The following USP54 variants were observed in gnomAD, a reference collection of about 807,000 sequenced individuals.
The protein encoded by USP54 is ubiquitin specific peptidase 54.
USP54 carries 87 observed loss-of-function variants against 170.5 expected under a neutral mutation model. The observed-to-expected ratio is 0.51, with a 90% CI of 0.43 to 0.61. The LOEUF (loss-of-function observed/expected upper bound fraction) is 0.61, where lower values mean the gene tolerates loss of function less well. Among genes scored for constraint, USP54 ranks in the 20% least tolerant of loss-of-function variants. The pLI, the probability that USP54 is intolerant of heterozygous loss-of-function variation, is 0.00. For missense variants in USP54, 1,786 were observed against 2,047.8 expected (o/e 0.87, Z 2.47); for synonymous variants, 655 against 742.8 (o/e 0.88, Z 1.92).
chr10:73,543,890 A>G (rs898011539), intron 5 of USP54, among the ~76,000 whole-genome samples: 1 of 151,720 alleles, frequency 6.6e-6, no homozygotes, highest in Non-Finnish European at 1.5e-5. Context: ...GTCTTCTCTC[A>G]TCTCCATCAT....
chr10:73,510,238 G>C (rs1418933096), intron 20 of USP54, among the ~76,000 whole-genome samples: 1 of 152,022 alleles, frequency 6.6e-6, no homozygotes, highest in Non-Finnish European at 1.5e-5. Context: ...GGGAGGCTGA[G>C]GCAGGAGAAT....
At chr10:73,518,350 A>T (rs2061373984) in intron 19 of USP54, 1 of 523,104 alleles carries the variant, frequency 1.9e-6, no homozygotes, top group African/African-American at 2.1e-5. Flanking sequence ...TCCCCAAAGC[A>T]ATATGACTCT....
chr10:73,604,017 G>A lies in USP54; in HGVS notation c.-18+21550C>T, dbSNP rs1260330710. 3.3e-5 allele frequency among the ~76,000 whole-genome samples: 5 copies of A among 152,050 alleles called. No individual in the cohort carries two copies. In the East Asian group the frequency reaches 5.8e-4, roughly 18 times the overall value. ...TGTAATCCCAGCACTTTGGAAGGAC[G>A]AAGGGGGCAGATCATGAGGTCAGGA... On this transcript the variant is annotated intron_variant, in intron 1 of 22. Transcript: ENST00000339859.
intron 12 of USP54, among the ~76,000 whole-genome samples, chr10:73,531,143 C>A (rs1271416616): frequency 2.0e-5 from 3 of 152,000 alleles, no homozygotes; most frequent in African/African-American, 7.2e-5. Context: ...ACTAAAAATA[C>A]AAAAATTAGT....
At chr10:73,612,452 AC>A (rs2080225121) in intron 1 of USP54, among the ~76,000 whole-genome samples, 1 of 152,174 alleles carries the variant, frequency 6.6e-6, no homozygotes. Flanking sequence ...AAGCATTATA[AC>A]AGCCTATTCT....
chr10:73,549,410 G>A (rs1246710839), intron 4 of USP54, among the ~76,000 whole-genome samples: 1 of 151,988 alleles, frequency 6.6e-6, no homozygotes, highest in Non-Finnish European at 1.5e-5. Flanking sequence ...AATATCAATG[G>A]GCATTTCAAA....
chr10:73,540,271 T>TA (rs777390854), intron 9 of USP54, among the ~76,000 whole-genome samples: 239 of 131,820 alleles, frequency 1.8e-3, no homozygotes, highest in South Asian at 2.9e-3. Context: ...AAAGTTGGAT[T>TA]AAAAAAAAAA....
chr10:73,498,957 C>T lies in USP54; in HGVS notation c.4727G>A (p.Ser1576Asn). The change falls in exon 24 of 24, where the codon AGC (serine) becomes AAC (asparagine). Residue 1576 changes from serine (S) to asparagine (N), a missense_variant. Ser to Asn is a conservative substitution (Grantham distance 46). Transcript: ENST00000687698. ...LTYTATLPER[S>N]KGLQVPHTQS... ...AGTGTGAGGAACCTGAAGGCCCTTG[C>T]TTCTTTCTGGTAGTGTGGCAGTGTA... 1 of 1,614,114 alleles carries T rather than the reference C, an allele frequency of 6.2e-7. No individual in the cohort carries two copies. The highest frequency in any genetic ancestry group is 1.7e-5 in the Admixed American group (1 of 60,018).
intron 4 of USP54, among the ~76,000 whole-genome samples, chr10:73,557,333 T>C (rs2071357686): frequency 1.3e-5 from 2 of 152,092 alleles, no homozygotes; most frequent in Admixed American, 1.3e-4. Flanking sequence ...CAATTTTTTT[T>C]TTTTTTGAGA....
intron 20 of USP54, among the ~76,000 whole-genome samples, chr10:73,511,051 T>C (rs2060117130): frequency 6.8e-6 from 1 of 148,106 alleles, no homozygotes; most frequent in East Asian, 2.0e-4. Flanking sequence ...AAGGAGGAGA[T>C]AAAGAGTGAT....
chr10:73,599,047 C>A (rs2078966842), intron 1 of USP54, among the ~76,000 whole-genome samples: 1 of 152,180 alleles, frequency 6.6e-6, no homozygotes, highest in South Asian at 2.1e-4. Flanking sequence ...CCACTGCATT[C>A]CAGCCTGGGC....
Position 73,530,727 on chromosome 10 carries a change from T to C in USP54, c.1424A>G (p.Gln475Arg). Residue 475 changes from glutamine (Q) to arginine (R), a missense_variant, in exon 13 of 24, where the codon CAG (glutamine) becomes CGG (arginine). Physicochemically the swap from Gln to Arg is conservative, Grantham distance 43 (BLOSUM62 1). Around this residue, in one of 3 missense-constraint regions of USP54, gnomAD observed 1,418 missense variants for 1,569.0 expected, o/e 0.90. Coordinates refer to ENST00000687698, the MANE Select transcript of USP54 (RefSeq NM_001391956.1). ...GRVRRKGDEPQASGYHSEGET... is the reference protein window; with the variant it reads ...GRVRRKGDEPRASGYHSEGET... ...GCCTTCACTGTGGTATCCCGAGGCC[T>C]GGGGCTCATCGCCTTTCCTCCTAAC... 4 of 1,614,186 alleles carry C rather than the reference T, an allele frequency of 2.5e-6. No homozygotes were observed. Among genetic ancestry groups the C allele is most frequent in the Non-Finnish European group, 3.4e-6 (4 of 1,180,028 alleles).
rs763865072 is a variant in USP54, at chr10:73,541,426, G to C, written c.774C>G (p.Asp258Glu). 1.2e-6 allele frequency: 2 copies of C among 1,614,072 alleles called. No homozygotes were observed. Among genetic ancestry groups the C allele is most frequent in the Middle Eastern group, 3.3e-4 (2 of 6,084 alleles). ...GGCTGTGGATAACATCTTCTGCTAA[G>C]TCTGAGTGGTCTGAGTCCCATACCA... is the stretch of plus-strand genomic sequence containing the variant. The part of the protein sequence containing the change: ...IGLVWDSDHS[D>E]LAEDVIHSLG... Residue 258 changes from aspartate (D) to glutamate (E), a missense_variant, in exon 9 of 24, where the codon GAC (aspartate) becomes GAG (glutamate). By Grantham distance (45) the Asp-to-Glu change is conservative. This residue lies in a region of USP54 where 361 missense variants were observed against 455.0 expected (regional missense o/e 0.79). Transcript: ENST00000687698.
intron 16 of USP54, among the ~76,000 whole-genome samples, chr10:73,526,125 C>T (rs904770533): frequency 6.6e-6 from 1 of 152,190 alleles, no homozygotes; most frequent in Non-Finnish European, 1.5e-5. Flanking sequence ...CCCACAAGGG[C>T]TCCCTCCAGG....
intron 1 of USP54, chr10:73,611,567 C>T (rs547609093): frequency 1.3e-5 from 2 of 150,442 alleles, no homozygotes; most frequent in Admixed American, 6.7e-5. Context: ...AAGGCAGGTG[C>T]ATCCCTTGAC....
At chr10:73,624,198 A>ATATGT (rs1554955712) in intron 1 of USP54, among the ~76,000 whole-genome samples, 2 of 102,490 alleles carry the variant, frequency 2.0e-5, no homozygotes, top group African/African-American at 8.3e-5. Flanking sequence ...ATATATATGT[A>ATATGT]TTTTTTTTTT....
intron 16 of USP54, 138 bp from the exon 17 acceptor site, chr10:73,523,888 TATTA>T (rs2062378534): frequency 1.6e-5 from 3 of 181,990 alleles, no homozygotes; most frequent in African/African-American, 3.8e-5. Context: ...TATTTATTAT[TATTA>T]TTATTATTAT....
chr10:73,567,801 G>A (rs377401643), intron 4 of USP54, among the ~76,000 whole-genome samples: 3 of 152,224 alleles, frequency 2.0e-5, no homozygotes, highest in Admixed American at 1.3e-4. Context: ...GCAAATAATG[G>A]CAACTTTGTT....
chr10:73,536,372 C>A lies in USP54; in HGVS notation c.1041G>T (p.Leu347=). 1 of 1,610,472 alleles carries A rather than the reference C, an allele frequency of 6.2e-7. No individual in the cohort carries two copies. Among genetic ancestry groups the A allele is most frequent in the South Asian group, 1.1e-5 (1 of 90,412 alleles). ...GGGTACCCTGGGGATCTGCATAAAG[C>A]AGCAGCAGGGGCTGATAATGCCCCT... is the stretch of plus-strand genomic sequence containing the variant. ...CIKGHYQPLL[L]LYADPQGTPV... Residue 347 remains leucine, a synonymous_variant, in exon 11 of 24, where the codon CTG becomes CTT. Transcript: ENST00000687698.
Sources: gnomAD v4.1 joint callset for allele counts (sites outside exome capture counted in the v4.1 genomes callset) on GRCh38, gnomAD v4.1.1 for gene constraint, gnomAD v4.1.1 regional missense constraint, MANE v1.5 for transcripts, NCBI Gene and HGNC (gene_info 2026-07-23, HGNC 2026-07-21) for gene names.